Variants in CLMP observed in about 807,000 individuals in gnomAD.
CLMP encodes the protein CXADR like cell adhesion molecule.
CLMP carries 27 observed loss-of-function variants against 45.2 expected under a neutral mutation model. The observed-to-expected ratio is 0.60, with a 90% CI of 0.44 to 0.82. CLMP has a LOEUF of 0.82. Among genes scored for constraint, CLMP ranks in the 40% least tolerant of loss-of-function variants. CLMP has a pLI of 0.00. For synonymous variants in CLMP, 167 were observed against 171.4 expected (o/e 0.97, Z 0.20); for missense variants, 403 against 448.4 (o/e 0.90, Z 0.91).
chr11:123,153,891 G>A (rs967840496), intron 1 of CLMP, among the ~76,000 whole-genome samples: 90 of 146,394 alleles, frequency 6.1e-4, no homozygotes, highest in African/African-American at 2.2e-3. Context: ...TCACCATGTT[G>A]GCCAGGCTGG....
intron 1 of CLMP, among the ~76,000 whole-genome samples, chr11:123,107,150 C>A (rs1291860600): frequency 6.6e-6 from 1 of 151,294 alleles, no homozygotes; most frequent in Non-Finnish European, 1.5e-5. Context: ...AGCCTGAACT[C>A]CCTGGGCTCA....
intron 1 of CLMP, among the ~76,000 whole-genome samples, chr11:123,165,355 C>A (rs78711693): frequency 6.6e-6 from 1 of 152,192 alleles, no homozygotes. Flanking sequence ...ACAACTTTAG[C>A]TTCATTCATA....
intron 1 of CLMP, among the ~76,000 whole-genome samples, chr11:123,152,748 GT>G (rs1376004842): frequency 6.6e-6 from 1 of 152,028 alleles, no homozygotes; most frequent in Admixed American, 6.6e-5. Context: ...TCAAGGACAG[GT>G]AACTTTTGAT....
chr11:123,185,211 AG>A (rs1315925277), intron 1 of CLMP, among the ~76,000 whole-genome samples: 1 of 151,992 alleles, frequency 6.6e-6, no homozygotes, highest in African/African-American at 2.4e-5. Context: ...GGCTTTCAGG[AG>A]TGGGTGCCTC....
rs138298807 is a variant in CLMP at position 123,168,914 on chromosome 11, C to T, written c.28+25999G>A. 1.2e-4 allele frequency among the ~76,000 whole-genome samples: 19 copies of T among 152,296 alleles called. No individual in the cohort carries two copies. The East Asian group carries it at 2.9e-3, about 23-fold the overall frequency. The stretch of plus-strand genomic sequence containing the variant: ...CATCTACTCCCGGCTTTGCACAGAA[C>T]GTGCGGCATCCAAGCATTCACTCAG... On this transcript the variant is annotated intron_variant, in intron 1 of 6. Transcript: ENST00000448775.
intron 1 of CLMP, among the ~76,000 whole-genome samples, chr11:123,137,086 A>G (rs370929117): frequency 8.7e-4 from 129 of 148,668 alleles, no homozygotes; most frequent in African/African-American, 3.1e-3. Context: ...AACCAAATGA[A>G]CCTTCCACAA....
intron 1 of CLMP, among the ~76,000 whole-genome samples, chr11:123,179,564 GGGGGTT>G (rs1162501253): frequency 6.6e-6 from 1 of 152,178 alleles, no homozygotes; most frequent in African/African-American, 2.4e-5. Context: ...TGTGCTAGGA[GGGGGTT>G]TGGAAATTCT....
intron 2 of CLMP, among the ~76,000 whole-genome samples, chr11:123,085,596 A>T (rs777353887): frequency 1.2e-3 from 30 of 24,218 alleles, no homozygotes; most frequent in African/African-American, 5.6e-3. Flanking sequence ...CTACAAAGAT[A>T]AAAAAAAAAA....
intron 1 of CLMP, among the ~76,000 whole-genome samples, chr11:123,160,417 G>T (rs748701828): frequency 6.6e-6 from 1 of 151,534 alleles, no homozygotes; most frequent in African/African-American, 2.4e-5. Flanking sequence ...TTTGCTGCAT[G>T]TCTTCACTGC....
At chr11:123,143,571 G>C (rs1275036271) in intron 1 of CLMP, among the ~76,000 whole-genome samples, 1 of 152,146 alleles carries the variant, frequency 6.6e-6, no homozygotes, top group Non-Finnish European at 1.5e-5. Context: ...TCAAAATCCA[G>C]CAGAGAGCTG....
In CLMP at chr11:123,195,045, G is replaced by A. The variant is rs1042432819; in HGVS notation, c.-105C>T. Reference sequence around the variant, plus strand: ...GGCGAGCTGGGCGCGGCGCCTCGGGGTGCGCGCGAGGTGGCTGCAGCCATG... The same window carrying A: ...GGCGAGCTGGGCGCGGCGCCTCGGGATGCGCGCGAGGTGGCTGCAGCCATG... On this transcript the variant is annotated 5_prime_UTR_variant, in exon 1 of 7. Coordinates refer to ENST00000448775, the MANE Select transcript of CLMP (RefSeq NM_024769.5). The A allele has an allele frequency of 4.2e-5, 49 of 1,154,198 alleles. No homozygotes were observed. The highest frequency in any genetic ancestry group is 5.7e-5 in the Non-Finnish European group (49 of 853,176). The allele number at this position is 1,154,198 out of a possible 1,614,324, so 71.5% of individuals were successfully genotyped here.
chr11:123,093,098 G>A (rs1317329448), intron 2 of CLMP, among the ~76,000 whole-genome samples: 1 of 151,408 alleles, frequency 6.6e-6, no homozygotes, highest in Admixed American at 6.6e-5. Context: ...AGTAGAGACG[G>A]GGTTTCACCA....
intron 1 of CLMP, among the ~76,000 whole-genome samples, chr11:123,133,171 C>A (rs1259334193): frequency 6.6e-6 from 1 of 152,124 alleles, no homozygotes. Context: ...AGTATAGAAT[C>A]CACAGGCTCT....
intron 1 of CLMP, among the ~76,000 whole-genome samples, chr11:123,167,419 G>A (rs1861572275): frequency 1.3e-5 from 2 of 152,040 alleles, no homozygotes; most frequent in African/African-American, 2.4e-5. Context: ...CTGAGTAGCT[G>A]GGACTACAGG....
At chr11:123,090,938 CCTAAGT>C (rs1202904711) in intron 2 of CLMP, among the ~76,000 whole-genome samples, 1 of 152,046 alleles carries the variant, frequency 6.6e-6, no homozygotes, top group African/African-American at 2.4e-5. Context: ...ATAGCATTTG[CCTAAGT>C]CTATAAGTAA....
At position 123,118,919 on chromosome 11, in the gene CLMP, TTTTCTTTTCTTTTCTTTC is replaced by T. The variant is rs1424769083; in HGVS notation, c.29-20985_29-20968del. On this transcript the variant is annotated intron_variant, in intron 1 of 6. Transcript: ENST00000448775. ...GATTGTCTTCCAGGTGATCTTTGCATTTTCTTTTCTTTTCTTTCTTTCTTTCTTTCTTTCTTTCTTTCT... is the reference window on the plus strand; with the variant it reads ...GATTGTCTTCCAGGTGATCTTTGCATTTTCTTTCTTTCTTTCTTTCTTTCT... Among the ~76,000 whole-genome samples the T allele has an allele frequency of 3.4e-3, 467 of 138,082 alleles. 19 individuals are homozygous for T. The highest frequency in any genetic ancestry group is 0.012 in the African/African-American group (434 of 36,456). 90.6% of individuals were successfully genotyped at this position (138,082 alleles called of 152,430 possible).
At chr11:123,150,623 A>AAGG (rs1861324621) in intron 1 of CLMP, among the ~76,000 whole-genome samples, 1 of 144,948 alleles carries the variant, frequency 6.9e-6, no homozygotes, top group African/African-American at 2.6e-5. Flanking sequence ...GGAAGGAAGG[A>AAGG]AAGGAAGGAA....
chr11:123,147,290 C>T (rs1355178970), intron 1 of CLMP, among the ~76,000 whole-genome samples: 1 of 152,148 alleles, frequency 6.6e-6, no homozygotes, highest in Admixed American at 6.5e-5. Context: ...CATGAACCGT[C>T]ACACAATTAT....
At chr11:123,178,926 T>C (rs1861732591) in intron 1 of CLMP, among the ~76,000 whole-genome samples, 1 of 152,226 alleles carries the variant, frequency 6.6e-6, no homozygotes, top group South Asian at 2.1e-4. Flanking sequence ...TGAAAACGTC[T>C]AGCACAGTGT....
Sources: allele counts gnomAD v4.1 joint callset (sites outside exome capture counted in the v4.1 genomes callset), GRCh38; gene constraint gnomAD v4.1.1; transcripts MANE v1.5; gene names NCBI Gene and HGNC (gene_info 2026-07-23, HGNC 2026-07-21).